Variants in IQCM observed in about 807,000 individuals in gnomAD.
The protein encoded by IQCM is IQ domain-containing protein M.
In IQCM, 45 loss-of-function variants were observed where a neutral mutation model predicts 57.6. That is an observed-to-expected ratio of 0.78 (90% CI 0.62 to 1.00). The LOEUF is 1.00. Among genes scored for constraint, IQCM ranks in the 50% least tolerant of loss-of-function variants. The probability of loss-of-function intolerance (pLI) is 0.00; values close to 1 mark genes in which losing one functional copy is unlikely to be tolerated. For missense variants in IQCM, 468 were observed against 511.6 expected, an observed-to-expected ratio of 0.91 and a Z score of 0.82; for synonymous variants, 148 against 158.9, an observed-to-expected ratio of 0.93 and a Z score of 0.51.
At chr4:149,628,941 C>G (rs1483948511) in intron 7 of IQCM, among the ~76,000 whole-genome samples, 1 of 152,024 alleles carries the variant, frequency 6.6e-6, no homozygotes, top group Non-Finnish European at 1.5e-5. Context: ...ATTTTATAAC[C>G]AAATTGCCTT....
At chr4:149,669,298 A>G (rs1244604077) in intron 7 of IQCM, among the ~76,000 whole-genome samples, 3 of 152,136 alleles carry the variant, frequency 2.0e-5, no homozygotes, top group Non-Finnish European at 4.4e-5. Context: ...GTGTCTATTC[A>G]TATCCTTTGC....
At chr4:149,727,224 T>C (rs892426278) in intron 5 of IQCM, among the ~76,000 whole-genome samples, 2 of 152,188 alleles carry the variant, frequency 1.3e-5, no homozygotes, top group African/African-American at 4.8e-5. Flanking sequence ...GGACTACCTA[T>C]TTGATGCTTT....
chr4:149,525,350 C>A (rs1195839784), intron 12 of IQCM, among the ~76,000 whole-genome samples: 1 of 151,740 alleles, frequency 6.6e-6, no homozygotes, highest in Non-Finnish European at 1.5e-5. Context: ...TGTATTAAAT[C>A]AAAATATTAA....
intron 8 of IQCM, among the ~76,000 whole-genome samples, chr4:149,609,666 C>G (rs1171701371): frequency 2.6e-5 from 4 of 151,836 alleles, no homozygotes; most frequent in African/African-American, 9.7e-5. Flanking sequence ...GCTGAGAAAG[C>G]ATTTGACAAA....
intron 13 of IQCM, among the ~76,000 whole-genome samples, chr4:149,376,507 T>C (rs1028200877): frequency 1.3e-5 from 2 of 152,130 alleles, no homozygotes; most frequent in Non-Finnish European, 2.9e-5. Context: ...CTCCTCCTAA[T>C]ATTAGCTTTC....
intron 5 of IQCM, among the ~76,000 whole-genome samples, chr4:149,720,826 G>T (rs1038969763): frequency 1.3e-5 from 2 of 152,074 alleles, no homozygotes. Flanking sequence ...TCACAATAAG[G>T]ATCTGTTTTT....
At chr4:149,615,909 A>G (rs889808574) in intron 8 of IQCM, among the ~76,000 whole-genome samples, 9 of 152,176 alleles carry the variant, frequency 5.9e-5, no homozygotes, top group African/African-American at 2.2e-4. Flanking sequence ...ATTTCACATC[A>G]AGATGACTTA....
At chr4:149,638,699 T>C (rs912170822) in intron 7 of IQCM, among the ~76,000 whole-genome samples, 1 of 152,158 alleles carries the variant, frequency 6.6e-6, no homozygotes, top group African/African-American at 2.4e-5. Context: ...TTCCAATCAG[T>C]GAATTAGCTT....
At chr4:149,484,335 G>A (rs1741236970) in intron 12 of IQCM, among the ~76,000 whole-genome samples, 1 of 151,842 alleles carries the variant, frequency 6.6e-6, no homozygotes, top group African/African-American at 2.4e-5. Flanking sequence ...ACTTATTCCT[G>A]CCATTTTGTT....
chr4:149,596,276 A>G (rs903320468), intron 8 of IQCM, among the ~76,000 whole-genome samples: 14 of 152,192 alleles, frequency 9.2e-5, no homozygotes, highest in African/African-American at 3.4e-4. Flanking sequence ...ATAATCCAAC[A>G]ATAAATTCTA....
intron 13 of IQCM, among the ~76,000 whole-genome samples, chr4:149,383,026 C>A (rs1731187027): frequency 6.6e-6 from 1 of 150,560 alleles, no homozygotes; most frequent in Non-Finnish European, 1.5e-5. Context: ...TATACTGAGG[C>A]ATCAATACCC....
At chr4:149,713,509 T>C (rs1377676765) in intron 5 of IQCM, among the ~76,000 whole-genome samples, 1 of 152,180 alleles carries the variant, frequency 6.6e-6, no homozygotes, top group Non-Finnish European at 1.5e-5. Flanking sequence ...ACATTACTGT[T>C]ATCCAGTAAT....
intron 12 of IQCM, among the ~76,000 whole-genome samples, chr4:149,440,121 CTTTTTTTTT>C (rs955416306): frequency 2.3e-5 from 2 of 88,004 alleles, no homozygotes; most frequent in African/African-American, 4.1e-5. Flanking sequence ...CATGCCCGGC[CTTTTTTTTT>C]TTTTTTTTTT....
chr4:149,446,208 C>T (rs1203667062), intron 12 of IQCM, among the ~76,000 whole-genome samples: 2 of 151,484 alleles, frequency 1.3e-5, no homozygotes, highest in Non-Finnish European at 3.0e-5. Context: ...ATAAGCTGTT[C>T]ACACTCTCTC....
At chr4:149,560,101 T>C (rs1214318910) in intron 10 of IQCM, among the ~76,000 whole-genome samples, 2 of 152,238 alleles carry the variant, frequency 1.3e-5, no homozygotes, top group African/African-American at 4.8e-5. Flanking sequence ...TGGGGATTGC[T>C]GCTATACAAG....
chr4:149,622,620 T>C (rs1216178374), intron 7 of IQCM, among the ~76,000 whole-genome samples: 1 of 152,112 alleles, frequency 6.6e-6, no homozygotes, highest in Non-Finnish European at 1.5e-5. Context: ...TTGTAGAGAA[T>C]CTGAGCATTT....
chr4:149,383,844 T>C (rs1731237760), intron 13 of IQCM, among the ~76,000 whole-genome samples: 1 of 151,894 alleles, frequency 6.6e-6, no homozygotes, highest in African/African-American at 2.4e-5. Flanking sequence ...CCCAGCTAAT[T>C]CAGGAGGCTG....
At chr4:149,518,044 T>G (rs566857423) in intron 12 of IQCM, among the ~76,000 whole-genome samples, 1 of 152,324 alleles carries the variant, frequency 6.6e-6, no homozygotes, top group South Asian at 2.1e-4. Flanking sequence ...GTTATAGTAA[T>G]GACACAAGCA....
intron 12 of IQCM, among the ~76,000 whole-genome samples, chr4:149,471,118 C>T (rs1014728600): frequency 1.3e-5 from 2 of 152,090 alleles, no homozygotes; most frequent in African/African-American, 2.4e-5. Flanking sequence ...TAACTAAGAT[C>T]AGAGCAGAAC....
Sources: gnomAD v4.1 joint callset for allele counts (sites outside exome capture counted in the v4.1 genomes callset) on GRCh38, gnomAD v4.1.1 for gene constraint, MANE v1.5 for transcripts, NCBI Gene and HGNC (gene_info 2026-07-23, HGNC 2026-07-21) for gene names.